Variants in SLC26A4 observed in about 807,000 individuals in gnomAD.
The protein encoded by SLC26A4 is solute carrier family 26 member 4, also known as pendrin.
In SLC26A4, 93 loss-of-function variants were observed where a neutral mutation model predicts 90.4. The ratio of observed to expected loss-of-function variants is 1.03; its 90% confidence interval spans 0.87 to 1.22. The LOEUF (loss-of-function observed/expected upper bound fraction) is 1.22, where lower values mean the gene tolerates loss of function less well. SLC26A4 is among the 50% of genes most tolerant of loss of function. The probability of loss-of-function intolerance (pLI) is 0.00; values close to 1 mark genes in which losing one functional copy is unlikely to be tolerated. For missense variants in SLC26A4, 1,127 were observed against 946.2 expected (o/e 1.19, Z -2.51); for synonymous variants, 393 against 354.6 (o/e 1.11, Z -1.22).
rs188505240 is a variant in SLC26A4, at chr7:107,692,148, T to C, written c.1263+1911T>C. 2.2e-4 allele frequency: 257 copies of C among 1,178,770 alleles called. No homozygotes were observed. In the African/African-American group the frequency reaches 3.8e-3, roughly 17 times the overall value. 73.0% of individuals were successfully genotyped at this position (1,178,770 alleles called of 1,614,324 possible). On this transcript the variant is annotated intron_variant, in intron 10 of 20. Coordinates refer to ENST00000644269, the MANE Select transcript of SLC26A4 (RefSeq NM_000441.2). ...GGATAATGGTGCTCTGGTAAGCTAA[T>C]ACCCCCTGCCACATACTGGCATGTA... is the stretch of plus-strand genomic sequence containing the variant.
Position 107,674,651 on chromosome 7 carries a change from G to A in SLC26A4, c.601-294G>A, listed in dbSNP as rs144845841. Among the ~76,000 whole-genome samples, 149 of 152,322 alleles carry A rather than the reference G, an allele frequency of 9.8e-4. 4 individuals are homozygous for A. The South Asian group carries it at 0.022, about 23-fold the overall frequency. ...CATAAAGGAGAAAAAGTGTTCTGGT[G>A]AGCGGAGACACAGGACCGAAAGCCA... On this transcript the variant is annotated intron_variant, in intron 5 of 20. Transcript: ENST00000644269.
At chr7:107,700,265 A>G (rs1363032408) in intron 15 of SLC26A4, 90 bp downstream of exon 15, 3 of 732,774 alleles carry the variant, frequency 4.1e-6, no homozygotes, top group Non-Finnish European at 5.0e-6. Context: ...AATCAGGAAT[A>G]GGCCCTAGAC....
intron 15 of SLC26A4, 36 bp from the exon 16 acceptor site, chr7:107,701,065 C>A: frequency 7.9e-7 from 1 of 1,258,010 alleles, no homozygotes; most frequent in Non-Finnish European, 1.2e-6. Flanking sequence ...CTTTAGGTGC[C>A]AGGCATTTTA....
At chr7:107,671,784 T>C (rs1239159514) in intron 3 of SLC26A4, among the ~76,000 whole-genome samples, 1 of 152,226 alleles carries the variant, frequency 6.6e-6, no homozygotes, top group Non-Finnish European at 1.5e-5. Context: ...AAGTTGAACA[T>C]ATTTTAAGTC....
intron 8 of SLC26A4, among the ~76,000 whole-genome samples, chr7:107,685,977 C>T (rs1396426647): frequency 2.0e-5 from 3 of 150,402 alleles, no homozygotes; most frequent in East Asian, 3.9e-4. Flanking sequence ...GCCTCCTGTC[C>T]TTGCCAGTTC....
chr7:107,708,384 C>T (rs573144830), intron 18 of SLC26A4, among the ~76,000 whole-genome samples: 2 of 152,128 alleles, frequency 1.3e-5, no homozygotes, highest in Admixed American at 1.3e-4. Flanking sequence ...ATCTCCTATA[C>T]AAAAGAAAAA....
chr7:107,680,305 A>T (rs569252829), intron 6 of SLC26A4, among the ~76,000 whole-genome samples: 7,861 of 108,780 alleles, frequency 0.072, 1,019 homozygotes, highest in African/African-American at 0.22. Context: ...TATATAATAT[A>T]ATCTTATATT....
intron 8 of SLC26A4, among the ~76,000 whole-genome samples, chr7:107,686,108 G>GGTGTGT (rs144481975): frequency 7.1e-6 from 1 of 140,466 alleles, no homozygotes; most frequent in Non-Finnish European, 1.6e-5. Flanking sequence ...TGTGTGTGTG[G>GGTGTGT]GTGTGTGTGT....
intron 18 of SLC26A4, among the ~76,000 whole-genome samples, 161 bp from the exon 19 acceptor site, chr7:107,709,893 G>A (rs1424075379): frequency 1.3e-5 from 2 of 152,178 alleles, no homozygotes; most frequent in African/African-American, 4.8e-5. Flanking sequence ...CTAATTGGGA[G>A]GGTGAGGTGG....
chr7:107,701,256 A>T, intron 16 of SLC26A4, 60 bp downstream of exon 16: 1 of 1,034,748 alleles, frequency 9.7e-7, no homozygotes, highest in Non-Finnish European at 1.5e-6. Context: ...GAGAGCAGTT[A>T]GAGGGTCTAA....
chr7:107,715,578 C>T lies in SLC26A4; in HGVS notation c.*132C>T. The T allele has an allele frequency of 1.3e-6, 1 of 775,450 alleles. No homozygotes were observed. The highest frequency in any genetic ancestry group is 2.5e-5 in the East Asian group (1 of 40,668). 48.0% of individuals were successfully genotyped at this position (775,450 alleles called of 1,614,324 possible). A position where few individuals can be genotyped will look rare whatever the true frequency, so the allele number is the denominator to read the frequency against. ...CATTGAAAGAGAAGCACTAAGACTG[C>T]TTCTAGGCTTTATTTATAAAATAAA... is the stretch of plus-strand genomic sequence containing the variant. On this transcript the variant is annotated 3_prime_UTR_variant, in exon 21 of 21. Transcript: ENST00000644269.
In SLC26A4 at chr7:107,704,388, A is replaced by G. The variant is rs753682653; in HGVS notation, c.2089+3A>G. ...TGTGTATTTTGCATCACTTCAAGGTAAATACATATATCTACATATCTACCT... is the reference window on the plus strand; with the variant it reads ...TGTGTATTTTGCATCACTTCAAGGTGAATACATATATCTACATATCTACCT... On this transcript the variant is annotated splice_donor_region_variant and intron_variant, in intron 18 of 20. Transcript: ENST00000644269. 2.0e-5 allele frequency: 24 copies of G among 1,219,294 alleles called. No individual in the cohort carries two copies. The Admixed American group carries it at 4.1e-4, about 21-fold the overall frequency. The allele number at this position is 1,219,294 out of a possible 1,614,324, so 75.5% of individuals were successfully genotyped here.
Position 107,707,692 on chromosome 7 carries a change from C to T in SLC26A4, c.2090-2362C>T, listed in dbSNP as rs371880260. Among the ~76,000 whole-genome samples, 159 of 152,262 alleles carry T rather than the reference C, an allele frequency of 1.0e-3. No individual in the cohort carries two copies. In the Middle Eastern group the frequency reaches 0.014, roughly 13 times the overall value. ...ATTTTGGAACATATTAATAACATAT[C>T]TATAAAAATATAGCACAAAGAAAGT... On this transcript the variant is annotated intron_variant, in intron 18 of 20. Coordinates refer to ENST00000644269, the MANE Select transcript of SLC26A4 (RefSeq NM_000441.2).
intron 6 of SLC26A4, 99 bp from the exon 7 acceptor site, chr7:107,683,103 G>T (rs1584317286): frequency 3.4e-6 from 3 of 890,066 alleles, no homozygotes; most frequent in Non-Finnish European, 1.8e-6. Flanking sequence ...TTTTTCATGT[G>T]GGAAGATTCA....
intron 18 of SLC26A4, among the ~76,000 whole-genome samples, chr7:107,707,927 C>A (rs7781603): frequency 0.53 from 80,353 of 151,966 alleles, 21,628 homozygotes; most frequent in East Asian, 0.63. Context: ...TGATCAAAAT[C>A]GGATCATAGG....
At chr7:107,691,512 T>TCTACACAC (rs1554359054) in intron 10 of SLC26A4, among the ~76,000 whole-genome samples, 12 of 110,564 alleles carry the variant, frequency 1.1e-4, no homozygotes, top group African/African-American at 4.4e-4. Context: ...CAAATATATA[T>TCTACACAC]ATACACACAC....
Position 107,675,015 on chromosome 7 carries a change from C to A in SLC26A4, c.671C>A (p.Thr224Lys). The A allele has an allele frequency of 6.2e-7, 1 of 1,614,010 alleles. No individual in the cohort carries two copies. Among genetic ancestry groups the A allele is most frequent in the Non-Finnish European group, 8.5e-7 (1 of 1,179,924 alleles). Reference protein sequence around the residue: ...YLADPLVGGFTTAAAFQVLVS... With the variant: ...YLADPLVGGFKTAAAFQVLVS... Reference sequence around the variant, plus strand: ...GCAGATCCTTTGGTTGGTGGCTTCACAACAGCTGCTGCCTTCCAAGTGCTG... The same window carrying A: ...GCAGATCCTTTGGTTGGTGGCTTCAAAACAGCTGCTGCCTTCCAAGTGCTG... Residue 224 changes from threonine (T) to lysine (K), a missense_variant, in exon 6 of 21, where the codon ACA becomes AAA. Thr to Lys is a moderately conservative substitution (Grantham distance 78). Transcript: ENST00000644269.
chr7:107,671,778 T>C (rs1790873796), intron 3 of SLC26A4, among the ~76,000 whole-genome samples: 1 of 152,216 alleles, frequency 6.6e-6, no homozygotes, highest in South Asian at 2.1e-4. Context: ...CATTGCAAGT[T>C]GAACATATTT....
chr7:107,686,375 C>CCTTCCCT (rs1791408586), intron 8 of SLC26A4, among the ~76,000 whole-genome samples: 1 of 135,336 alleles, frequency 7.4e-6, no homozygotes, highest in Admixed American at 7.5e-5. Flanking sequence ...TCCCTTTCCT[C>CCTTCCCT]CCCTTCCTTC....
Sources: allele counts gnomAD v4.1 joint callset (sites outside exome capture counted in the v4.1 genomes callset), GRCh38; gene constraint gnomAD v4.1.1; transcripts MANE v1.5; gene names NCBI Gene and HGNC (gene_info 2026-07-23, HGNC 2026-07-21).